The following SAMMSON variants were observed in gnomAD, a reference collection of about 807,000 sequenced individuals.
SAMMSON encodes the protein survival associated mitochondrial melanoma specific oncogenic non-coding RNA, also known as long intergenic non-protein coding RNA 1212.
intron 4 of SAMMSON, among the ~76,000 whole-genome samples, chr3:70,211,580 TTCCTTTC>T: frequency 1.3e-5 from 1 of 77,618 alleles, no homozygotes; most frequent in Non-Finnish European, 2.9e-5. Context: ...TTCCCTTCCC[TTCCTTTC>T]CCTTCCCTTC....
intron 4 of SAMMSON, among the ~76,000 whole-genome samples, chr3:70,109,081 G>A (rs1292926780): frequency 6.6e-6 from 1 of 151,892 alleles, no homozygotes; most frequent in Non-Finnish European, 1.5e-5. Flanking sequence ...TTTCTCTTAG[G>A]TTATGATCTT....
chr3:70,064,613 G>A (rs2067202341), intron 3 of SAMMSON, among the ~76,000 whole-genome samples: 1 of 152,068 alleles, frequency 6.6e-6, no homozygotes, highest in Non-Finnish European at 1.5e-5. Flanking sequence ...ACATCAGAGT[G>A]GGGCCATGCT....
intron 4 of SAMMSON, among the ~76,000 whole-genome samples, chr3:70,215,446 G>T (rs1701399795): frequency 6.6e-6 from 1 of 152,020 alleles, no homozygotes. Context: ...GCTGGTATTT[G>T]ATTAGGAGGT....
chr3:70,263,966 C>T lies in SAMMSON; in HGVS notation n.674+14296C>T, dbSNP rs113694651. 3.6e-4 allele frequency among the ~76,000 whole-genome samples: 55 copies of T among 152,266 alleles called. 1 individual carries two copies. Among genetic ancestry groups the T allele is most frequent in the African/African-American group, 1.3e-3 (55 of 41,554 alleles). ...TTTCTAGTTCTTTAGGTGTCAACAG[C>T]AGAAGGATGATTCAGGCTCTCCTAC... On this transcript the variant is annotated intron_variant and non_coding_transcript_variant, in intron 6 of 9. Coordinates refer to ENST00000642114, the Ensembl canonical transcript of SAMMSON.
intron 4 of SAMMSON, chr3:70,205,779 G>A (rs1282625926): frequency 6.6e-6 from 1 of 152,002 alleles, no homozygotes; most frequent in Non-Finnish European, 1.5e-5. Context: ...ATGTAGACCA[G>A]AAACCATACC....
chr3:70,173,960 T>A (rs1385129067), intron 4 of SAMMSON, among the ~76,000 whole-genome samples: 1 of 151,898 alleles, frequency 6.6e-6, no homozygotes, highest in Non-Finnish European at 1.5e-5. Context: ...TGGATAGGAA[T>A]CTGAATGGCT....
chr3:70,083,592 G>A (rs78114894), intron 4 of SAMMSON, among the ~76,000 whole-genome samples: 5,011 of 152,246 alleles, frequency 0.033, 107 homozygotes, highest in Middle Eastern at 0.048. Flanking sequence ...GCCTCTGGGC[G>A]TTGAGGGCAT....
chr3:70,126,025 G>A, intron 4 of SAMMSON: 1 of 918,448 alleles, frequency 1.1e-6, no homozygotes, highest in Non-Finnish European at 1.7e-6. Flanking sequence ...TGATCTAAAA[G>A]CTGTGGGCAA....
chr3:70,205,157 A>C (rs1039997495), intron 4 of SAMMSON: 1 of 152,096 alleles, frequency 6.6e-6, no homozygotes, highest in South Asian at 2.1e-4. Flanking sequence ...TGGAAAACTT[A>C]GAAATTTTAC....
chr3:70,392,304 T>C (rs1701056470), downstream of SAMMSON, among the ~76,000 whole-genome samples: 1 of 152,168 alleles, frequency 6.6e-6, no homozygotes, highest in African/African-American at 2.4e-5. Context: ...GTAAGCACTA[T>C]TTTATCTCAA....
chr3:70,288,854 C>G (rs1447336611), intron 6 of SAMMSON, among the ~76,000 whole-genome samples: 2 of 151,458 alleles, frequency 1.3e-5, no homozygotes, highest in African/African-American at 2.4e-5. Flanking sequence ...GGTTTAAAGT[C>G]TGTTTTATCA....
chr3:70,258,897 T>C (rs1701841481), intron 6 of SAMMSON, among the ~76,000 whole-genome samples: 1 of 152,176 alleles, frequency 6.6e-6, no homozygotes, highest in Non-Finnish European at 1.5e-5. Flanking sequence ...ATTAAATTTT[T>C]CTTCAATTTC....
At chr3:70,320,900 G>C (rs891818530) in intron 7 of SAMMSON, among the ~76,000 whole-genome samples, 1 of 152,044 alleles carries the variant, frequency 6.6e-6, no homozygotes, top group Non-Finnish European at 1.5e-5. Context: ...CATTGTGTCA[G>C]TTTCCTTATC....
chr3:70,284,173 T>C (rs1207418309), intron 6 of SAMMSON, among the ~76,000 whole-genome samples: 2 of 152,170 alleles, frequency 1.3e-5, no homozygotes, highest in Non-Finnish European at 2.9e-5. Context: ...ATTTCATTTA[T>C]AGGTTTTATC....
At chr3:70,343,582 T>C (rs951202560) in intron 7 of SAMMSON, among the ~76,000 whole-genome samples, 4 of 152,154 alleles carry the variant, frequency 2.6e-5, no homozygotes, top group African/African-American at 9.7e-5. Context: ...ATATCAAGGG[T>C]ATATACTTGT....
chr3:70,039,782 C>G (rs949917099), intron 3 of SAMMSON, among the ~76,000 whole-genome samples: 1 of 152,012 alleles, frequency 6.6e-6, no homozygotes, highest in Non-Finnish European at 1.5e-5. Context: ...GTGGTCCCTG[C>G]AGCAACTGGG....
chr3:70,077,430 A>T (rs1263805932), intron 4 of SAMMSON, among the ~76,000 whole-genome samples: 3 of 152,200 alleles, frequency 2.0e-5, no homozygotes, highest in African/African-American at 7.2e-5. Context: ...GGAAATAAAA[A>T]TCATAAACTT....
intron 4 of SAMMSON, among the ~76,000 whole-genome samples, chr3:70,150,537 C>G (rs992391823): frequency 2.0e-5 from 3 of 151,914 alleles, no homozygotes; most frequent in Non-Finnish European, 2.9e-5. Context: ...AGGAGTTGAA[C>G]CATAGTTGGC....
At chr3:70,246,680 A>G (rs373685798) in intron 4 of SAMMSON, among the ~76,000 whole-genome samples, 13 of 152,076 alleles carry the variant, frequency 8.5e-5, no homozygotes, top group African/African-American at 2.7e-4. Flanking sequence ...CGTGGGACAC[A>G]ATACTAAAAA....
Sources: gnomAD v4.1 joint callset for allele counts (sites outside exome capture counted in the v4.1 genomes callset) on GRCh38, gnomAD v4.1.1 for gene constraint, MANE v1.5 for transcripts, NCBI Gene and HGNC (gene_info 2026-07-23, HGNC 2026-07-21) for gene names.